The following KIFC3 variants were observed in gnomAD, a reference collection of about 807,000 sequenced individuals.
KIFC3 encodes kinesin-like protein KIFC3.
In KIFC3, 60 loss-of-function variants were observed where a neutral mutation model predicts 101.8. That is an observed-to-expected ratio of 0.59 (90% CI 0.48 to 0.73). The LOEUF is 0.73. Among genes scored for constraint, KIFC3 ranks in the 30% least tolerant of loss-of-function variants. KIFC3 has a pLI of 0.00. For synonymous variants in KIFC3, 476 were observed against 482.7 expected, an observed-to-expected ratio of 0.99 and a Z score of 0.18; for missense variants, 966 against 1,137.1, an observed-to-expected ratio of 0.85 and a Z score of 2.16.
At chr16:57,816,348 C>A in intron 1 of KIFC3, 3 of 962,878 alleles carry the variant, frequency 3.1e-6, no homozygotes, top group East Asian at 6.0e-5. Flanking sequence ...ATCCTGGGGC[C>A]TGCCCCTCCT....
chr16:57,858,794 A>G (rs1190728058), intron 1 of KIFC3, among the ~76,000 whole-genome samples: 1 of 152,126 alleles, frequency 6.6e-6, no homozygotes, highest in East Asian at 1.9e-4. Flanking sequence ...TAAAAGTACA[A>G]AAAAGATTAG....
At chr16:57,780,280 G>C (rs2052563466) in intron 3 of KIFC3, among the ~76,000 whole-genome samples, 1 of 152,188 alleles carries the variant, frequency 6.6e-6, no homozygotes, top group Admixed American at 6.5e-5. Context: ...GGAGGCTTAA[G>C]CAGGTGGATC....
intron 1 of KIFC3, among the ~76,000 whole-genome samples, chr16:57,799,275 C>G (rs2054572192): frequency 6.6e-6 from 1 of 152,210 alleles, no homozygotes; most frequent in African/African-American, 2.4e-5. Context: ...CAGTCCCAGA[C>G]TCAGACAGTA....
intron 1 of KIFC3, among the ~76,000 whole-genome samples, chr16:57,857,742 C>T (rs1402536816): frequency 2.7e-5 from 4 of 150,044 alleles, no homozygotes; most frequent in Non-Finnish European, 5.9e-5. Context: ...TTTTTTATGG[C>T]TACATAGTAT....
chr16:57,760,088 A>G lies in KIFC3; in HGVS notation c.2367+194T>C. 5.7e-6 allele frequency: 4 copies of G among 702,404 alleles called. No individual in the cohort carries two copies. In the South Asian group the frequency reaches 7.5e-5, roughly 13 times the overall value. The allele number at this position is 702,404 out of a possible 1,614,324, so 43.5% of individuals were successfully genotyped here. On this transcript the variant is annotated intron_variant, in intron 17 of 19. Coordinates refer to ENST00000445690, the MANE Select transcript of KIFC3 (RefSeq NM_001130100.2). Reference sequence around the variant, plus strand: ...ACGGCCAGCTCGTCACCCCACAGGAACCTCCGAGGCCAAGAAGAAATACCT... The same window carrying G: ...ACGGCCAGCTCGTCACCCCACAGGAGCCTCCGAGGCCAAGAAGAAATACCT...
rs969732471 is a variant in KIFC3 at position 57,758,726 on chromosome 16, C to T, written c.*208G>A. The T allele has an allele frequency of 7.1e-6, 6 of 847,956 alleles. No homozygotes were observed. Among genetic ancestry groups the T allele is most frequent in the African/African-American group, 3.3e-5 (2 of 60,310 alleles). The allele number at this position is 847,956 out of a possible 1,614,324, so 52.5% of individuals were successfully genotyped here. A position where few individuals can be genotyped will look rare whatever the true frequency, so the allele number is the denominator to read the frequency against. ...TGCAATTTGCACTCAGAGCCACAGCCGAGAGACACCGTTTCCTTCTGAACA... is the reference window on the plus strand; with the variant it reads ...TGCAATTTGCACTCAGAGCCACAGCTGAGAGACACCGTTTCCTTCTGAACA... On this transcript the variant is annotated 3_prime_UTR_variant, in exon 20 of 20. Transcript: ENST00000445690.
At chr16:57,832,030 G>GT (rs11418363) in intron 1 of KIFC3, among the ~76,000 whole-genome samples, 24,957 of 151,600 alleles carry the variant, frequency 0.16, 2,248 homozygotes, top group Middle Eastern at 0.23. Context: ...TTTTGTTTTT[G>GT]TTTTTTTTAA....
rs781988308 is a variant in KIFC3, at chr16:57,771,250, C to T, written c.713G>A (p.Arg238His). ...GCTGGCAATGGTCTCGTGGCTGTCA[C>T]GCAGGCGCCGACTAAGCCGCTCCTC... ...QEEERLSRRL[R>H]DSHETIASLR... Residue 238 changes from arginine (R) to histidine (H), a missense_variant, in exon 6 of 20, where the codon CGT becomes CAT. Around this residue, in one of 2 missense-constraint regions of KIFC3, gnomAD observed 689 missense variants for 884.6 expected, o/e 0.78. Transcript: ENST00000445690. 3.7e-6 allele frequency: 6 copies of T among 1,613,228 alleles called. No individual in the cohort carries two copies. Among genetic ancestry groups the T allele is most frequent in the East Asian group, 2.2e-5 (1 of 44,880 alleles).
intron 1 of KIFC3, among the ~76,000 whole-genome samples, chr16:57,801,902 T>C (rs1347320989): frequency 2.6e-5 from 4 of 152,210 alleles, no homozygotes; most frequent in Non-Finnish European, 5.9e-5. Context: ...AAGGCCCTTC[T>C]TCCTAACCTC....
chr16:57,802,406 C>G lies in KIFC3; in HGVS notation c.-76G>C. On this transcript the variant is annotated 5_prime_UTR_variant, in exon 1 of 20. Coordinates refer to ENST00000445690, the MANE Select transcript of KIFC3 (RefSeq NM_001130100.2). The surrounding 1 kb of genome is among the most constrained non-coding windows in gnomAD (Gnocchi z 5.0). ...AGGCAGGATCCAGGCGTCGCCGCAG[C>G]GCCCGGGGCTCGGCCCGGCCCGGCC... 3 of 983,276 alleles carry G rather than the reference C, an allele frequency of 3.1e-6. No individual in the cohort carries two copies. Among genetic ancestry groups the G allele is most frequent in the Non-Finnish European group, 3.6e-6 (3 of 829,138 alleles). The allele number at this position is 983,276 out of a possible 1,614,324, so 60.9% of individuals were successfully genotyped here.
At chr16:57,759,416 A>T in intron 18 of KIFC3, 2 of 592,300 alleles carry the variant, frequency 3.4e-6, no homozygotes, top group South Asian at 4.1e-5. Context: ...GAGGGGGCTT[A>T]CTGCACAGGC....
At chr16:57,822,080 TAAAAAC>T (rs2055362068) in intron 1 of KIFC3, among the ~76,000 whole-genome samples, 1 of 151,552 alleles carries the variant, frequency 6.6e-6, no homozygotes, top group East Asian at 1.9e-4. Context: ...GTCTCAAAAA[TAAAAAC>T]AAAAACAAAA....
At chr16:57,827,320 G>A (rs1480431726) in intron 1 of KIFC3, among the ~76,000 whole-genome samples, 5 of 152,228 alleles carry the variant, frequency 3.3e-5, no homozygotes, top group Non-Finnish European at 7.3e-5. Flanking sequence ...TTGGCTCTAC[G>A]TCCAAGGCCA....
intron 3 of KIFC3, among the ~76,000 whole-genome samples, chr16:57,788,275 A>T (rs563032104): frequency 2.0e-5 from 3 of 152,298 alleles, no homozygotes; most frequent in African/African-American, 7.2e-5. Flanking sequence ...AGGCACTGGG[A>T]AAAAACAAAA....
At chr16:57,826,156 C>T (rs1190181079) in intron 1 of KIFC3, among the ~76,000 whole-genome samples, 2 of 152,242 alleles carry the variant, frequency 1.3e-5, no homozygotes, top group Non-Finnish European at 1.5e-5. Context: ...CACATACAAG[C>T]CCACACCCCA....
intron 17 of KIFC3, 84 bp downstream of exon 17, chr16:57,760,198 T>A: frequency 6.7e-7 from 1 of 1,499,172 alleles, no homozygotes; most frequent in South Asian, 1.3e-5. Context: ...CTTCAGGACG[T>A]CCCCGCCCAG....
Position 57,795,035 on chromosome 16 carries a change from G to A in KIFC3, c.279C>T (p.Gly93=). 1 of 1,598,800 alleles carries A rather than the reference G, an allele frequency of 6.3e-7. No homozygotes were observed. The highest frequency in any genetic ancestry group is 8.5e-7 in the Non-Finnish European group (1 of 1,174,648). ...QCRALSVDWA[G]PGSPHGLYLT... Reference sequence around the variant, plus strand: ...GGTAGAGCCCGTGGGGGCTTCCGGGGCCAGCCCAGTCCACGCTAAGGGCTC... The same window carrying A: ...GGTAGAGCCCGTGGGGGCTTCCGGGACCAGCCCAGTCCACGCTAAGGGCTC... Residue 93 remains glycine (G), a synonymous_variant, in exon 3 of 20, where the codon GGC becomes GGT. Coordinates refer to ENST00000445690, the MANE Select transcript of KIFC3 (RefSeq NM_001130100.2).
intron 1 of KIFC3, among the ~76,000 whole-genome samples, chr16:57,837,777 G>A (rs6499916): frequency 0.012 from 1,788 of 152,174 alleles, 28 homozygotes; most frequent in African/African-American, 0.041. Flanking sequence ...CTTGGGAATC[G>A]GGACTTTAAC....
chr16:57,809,718 T>C (rs879956324), intron 1 of KIFC3, among the ~76,000 whole-genome samples: 2 of 152,230 alleles, frequency 1.3e-5, no homozygotes, highest in Admixed American at 6.5e-5. Context: ...CTAAACATGT[T>C]GCCAGATTGC....
Sources: gnomAD v4.1 joint callset for allele counts (sites outside exome capture counted in the v4.1 genomes callset) on GRCh38, gnomAD v4.1.1 for gene constraint, gnomAD v4.1.1 regional missense constraint, Gnocchi (gnomAD v3.1) non-coding constraint, MANE v1.5 for transcripts, NCBI Gene and HGNC (gene_info 2026-07-23, HGNC 2026-07-21) for gene names.